The following TECPR2 variants were observed in gnomAD, a reference collection of about 807,000 sequenced individuals.
The protein encoded by TECPR2 is tectonin beta-propeller repeat-containing protein 2.
A neutral mutation model predicts 138.1 loss-of-function variants in TECPR2; 65 were observed. The observed-to-expected ratio is 0.47, with a 90% CI of 0.39 to 0.58. The LOEUF (loss-of-function observed/expected upper bound fraction) is 0.58. Ranked by LOEUF, TECPR2 falls within the 20% of genes least tolerant of loss-of-function variation. The probability of loss-of-function intolerance (pLI) is 0.00; values close to 1 mark genes in which losing one functional copy is unlikely to be tolerated. For missense variants in TECPR2, 1,553 were observed against 1,824.5 expected, an observed-to-expected ratio of 0.85 and a Z score of 2.71; for synonymous variants, 746 against 749.8, an observed-to-expected ratio of 0.99 and a Z score of 0.08.
chr14:102,435,732 G>A (rs918171159), intron 9 of TECPR2, among the ~76,000 whole-genome samples: 4 of 152,186 alleles, frequency 2.6e-5, no homozygotes, highest in Admixed American at 6.5e-5. Context: ...GCTCCCCTGC[G>A]AGCTGTACAG....
At chr14:102,391,118 G>A (rs544154021) in intron 2 of TECPR2, among the ~76,000 whole-genome samples, 1 of 152,278 alleles carries the variant, frequency 6.6e-6, no homozygotes, top group South Asian at 2.1e-4. Flanking sequence ...GAGTGCAGTG[G>A]CATGATCTCA....
At chr14:102,436,887 G>T (rs1889684300) in intron 9 of TECPR2, 2 of 676,240 alleles carry the variant, frequency 3.0e-6, no homozygotes, top group Admixed American at 6.3e-5. Flanking sequence ...TAATGTCTGG[G>T]CGTTAGCCAG....
At chr14:102,441,403 G>A (rs1889826622) in intron 11 of TECPR2, among the ~76,000 whole-genome samples, 1 of 150,330 alleles carries the variant, frequency 6.7e-6, no homozygotes, top group African/African-American at 2.4e-5. Context: ...CAGGCCAGGT[G>A]TGGTGGCTCA....
rs551736109 is a variant in TECPR2, at chr14:102,384,209, G to A, written c.219+7269G>A. Among the ~76,000 whole-genome samples, 6 of 152,042 alleles carry A rather than the reference G, an allele frequency of 3.9e-5. 1 individual carries two copies. Among genetic ancestry groups the A allele is most frequent in the African/African-American group, 1.4e-4 (6 of 41,496 alleles). ...GCTGGGATTACGGGTGTGAGCCACT[G>A]CATCCGGCCGGAAGTTGTTTTTATT... On this transcript the variant is annotated intron_variant, in intron 2 of 19. Coordinates refer to ENST00000359520, the MANE Select transcript of TECPR2 (RefSeq NM_014844.5).
chr14:102,477,299 G>A (rs1595144525), intron 17 of TECPR2, among the ~76,000 whole-genome samples: 2 of 152,062 alleles, frequency 1.3e-5, no homozygotes, highest in South Asian at 4.2e-4. Flanking sequence ...GAACCTGAGA[G>A]GCAGAGGTTG....
chr14:102,428,316 T>C lies in TECPR2; in HGVS notation c.1018T>C (p.Phe340Leu). 1 of 1,611,826 alleles carries C rather than the reference T, an allele frequency of 6.2e-7. No individual in the cohort carries two copies. Among genetic ancestry groups the C allele is most frequent in the Non-Finnish European group, 8.5e-7 (1 of 1,179,128 alleles). ...VSVSCTENEI[F>L]FLKGDRNIIR... ...TGTTTCGTGCACAGAAAATGAAATA[T>C]TTTTCTTGAAAGGAGATAGGAACAT... The change falls in exon 7 of 20, where the codon TTT (phenylalanine) becomes CTT (leucine). Residue 340 changes from phenylalanine to leucine, a missense_variant. Physicochemically the swap from Phe to Leu is conservative, Grantham distance 22. Coordinates refer to ENST00000359520, the MANE Select transcript of TECPR2 (RefSeq NM_014844.5).
In TECPR2 at chr14:102,498,589, G is replaced by A. The variant is rs943641869; in HGVS notation, c.*332G>A. The A allele has an allele frequency of 1.4e-5, 6 of 434,334 alleles. No individual in the cohort carries two copies. Among genetic ancestry groups the A allele is most frequent in the South Asian group, 8.7e-5 (4 of 46,052 alleles). The allele number at this position is 434,334 out of a possible 1,614,324, so 26.9% of individuals were successfully genotyped here. A position where few individuals can be genotyped will look rare whatever the true frequency, so the allele number is the denominator to read the frequency against. ...GCTTTTGTTGGTGGGAGTGGTCTCCGGAGGCCTCCCAGAACCAAGGGTAGC... is the reference window on the plus strand; with the variant it reads ...GCTTTTGTTGGTGGGAGTGGTCTCCAGAGGCCTCCCAGAACCAAGGGTAGC... On this transcript the variant is annotated 3_prime_UTR_variant, in exon 20 of 20. Transcript: ENST00000359520.
In TECPR2 at chr14:102,435,217, T is replaced by C; in HGVS notation, c.2394+6T>C. ...GGCTGCTCAAGCCAGATCAGGTATG[T>C]GGGTTCGGGTGGTGGGAAAAGTAGC... On this transcript the variant is annotated splice_donor_region_variant and intron_variant, in intron 9 of 19. Coordinates refer to ENST00000359520, the MANE Select transcript of TECPR2 (RefSeq NM_014844.5). 1 of 1,580,936 alleles carries C rather than the reference T, an allele frequency of 6.3e-7. No homozygotes were observed. The highest frequency in any genetic ancestry group is 8.6e-7 in the Non-Finnish European group (1 of 1,161,282).
chr14:102,373,017 G>A (rs1182294970), intron 1 of TECPR2, among the ~76,000 whole-genome samples: 1 of 152,156 alleles, frequency 6.6e-6, no homozygotes, highest in Non-Finnish European at 1.5e-5. Context: ...ATGTGTGTAT[G>A]AGTATGTATG....
At chr14:102,485,468 T>C (rs1442084882) in intron 17 of TECPR2, among the ~76,000 whole-genome samples, 2 of 152,204 alleles carry the variant, frequency 1.3e-5, no homozygotes, top group Admixed American at 6.5e-5. Context: ...TTCTAGGAAC[T>C]ATTACCCCTC....
At chr14:102,403,892 T>A (rs1037457566) in intron 2 of TECPR2, among the ~76,000 whole-genome samples, 1 of 152,154 alleles carries the variant, frequency 6.6e-6, no homozygotes, top group East Asian at 1.9e-4. Flanking sequence ...ATTGGAAGAC[T>A]TAACATTGTG....
chr14:102,446,226 C>G (rs1180520159), intron 13 of TECPR2, among the ~76,000 whole-genome samples: 2 of 151,878 alleles, frequency 1.3e-5, no homozygotes, highest in South Asian at 2.1e-4. Context: ...GCCACCATGC[C>G]TGGCTAGTTT....
chr14:102,492,706 G>A (rs1017903647), intron 17 of TECPR2, among the ~76,000 whole-genome samples: 8 of 152,172 alleles, frequency 5.3e-5, no homozygotes, highest in South Asian at 2.1e-4. Context: ...GGCAGGCAGC[G>A]TGAGTGGGGT....
intron 15 of TECPR2, among the ~76,000 whole-genome samples, chr14:102,451,052 G>A (rs1890128060): frequency 2.0e-5 from 3 of 152,180 alleles, no homozygotes; most frequent in Admixed American, 2.0e-4. Flanking sequence ...ACAGCCTCCG[G>A]ATAACCTAAG....
chr14:102,364,848 A>G (rs1887301541), intron 1 of TECPR2, among the ~76,000 whole-genome samples: 1 of 152,228 alleles, frequency 6.6e-6, no homozygotes, highest in South Asian at 2.1e-4. Context: ...GAACTTGGGA[A>G]GATGAGGAAT....
In TECPR2 at chr14:102,431,959, C is replaced by T. The variant is rs144313788; in HGVS notation, c.1248C>T (p.Thr416=). The T allele has an allele frequency of 5.1e-5, 82 of 1,612,890 alleles. No individual in the cohort carries two copies. Among genetic ancestry groups the T allele is most frequent in the African/African-American group, 2.3e-4 (17 of 74,946 alleles). Residue 416 remains threonine, a synonymous_variant, in exon 8 of 20, where the codon ACC becomes ACT. Coordinates refer to ENST00000359520, the MANE Select transcript of TECPR2 (RefSeq NM_014844.5). ...PRSRSSSLNS[T]DSGSGLLPPG... is the part of the protein sequence containing the mutation. ...GCAGGAGCAGCTCGCTCAACTCCACCGACAGCGGCTCCGGGCTCCTGCCCC... is the reference window on the plus strand; with the variant it reads ...GCAGGAGCAGCTCGCTCAACTCCACTGACAGCGGCTCCGGGCTCCTGCCCC...
At chr14:102,459,664 A>C (rs1810930632) in intron 16 of TECPR2, among the ~76,000 whole-genome samples, 2 of 152,210 alleles carry the variant, frequency 1.3e-5, no homozygotes, top group Admixed American at 6.5e-5. Flanking sequence ...GTTACTCTGG[A>C]GGCTGAGGCA....
chr14:102,445,422 C>T (rs1286553546), intron 12 of TECPR2, among the ~76,000 whole-genome samples: 1 of 133,070 alleles, frequency 7.5e-6, no homozygotes, highest in Non-Finnish European at 1.6e-5. Flanking sequence ...CTTGGATTGG[C>T]GGGGGAAGGA....
intron 6 of TECPR2, among the ~76,000 whole-genome samples, chr14:102,427,062 C>T (rs993867714): frequency 3.3e-5 from 5 of 151,554 alleles, no homozygotes; most frequent in African/African-American, 9.7e-5. Flanking sequence ...AGTCTCTTAT[C>T]GGCCGGAGCC....
Sources: gnomAD v4.1 joint callset for allele counts (sites outside exome capture counted in the v4.1 genomes callset) on GRCh38, gnomAD v4.1.1 for gene constraint, MANE v1.5 for transcripts, NCBI Gene and HGNC (gene_info 2026-07-23, HGNC 2026-07-21) for gene names.